The following CCDC186 variants were observed in gnomAD, a reference collection of about 807,000 sequenced individuals.
The protein encoded by CCDC186 is coiled-coil domain-containing protein 186.
Under a neutral mutation model 113.7 loss-of-function variants are expected in CCDC186, and 49 were observed. That is an observed-to-expected ratio of 0.43 (90% CI 0.34 to 0.55). CCDC186 has a LOEUF of 0.55. CCDC186 is among the 20% of genes least tolerant of loss of function. The probability of loss-of-function intolerance (pLI) is 0.02; values close to 1 mark genes in which losing one functional copy is unlikely to be tolerated. For synonymous variants in CCDC186, 355 were observed against 345.8 expected (o/e 1.03, Z -0.30); for missense variants, 890 against 1,011.1 (o/e 0.88, Z 1.62).
At chr10:114,159,271 T>C (rs1408131384) in intron 2 of CCDC186, among the ~76,000 whole-genome samples, 1 of 152,072 alleles carries the variant, frequency 6.6e-6, no homozygotes, top group African/African-American at 2.4e-5. Flanking sequence ...GTCCTGCCTA[T>C]AGTTCACAAG....
chr10:114,160,508 T>C (rs936103266), intron 2 of CCDC186, among the ~76,000 whole-genome samples: 2 of 152,176 alleles, frequency 1.3e-5, no homozygotes, highest in African/African-American at 4.8e-5. Flanking sequence ...GAAATTTGTT[T>C]AGACAGTAGA....
At chr10:114,135,788 T>G (rs890929925) in intron 9 of CCDC186, 103 bp downstream of exon 9, 8 of 915,874 alleles carry the variant, frequency 8.7e-6, no homozygotes, top group Non-Finnish European at 1.2e-5. Flanking sequence ...TTATGGAACA[T>G]TTCTATATTA....
chr10:114,138,084 A>G (rs2031334439), intron 6 of CCDC186, among the ~76,000 whole-genome samples: 2 of 64,070 alleles, frequency 3.1e-5, no homozygotes, highest in Non-Finnish European at 6.2e-5. Flanking sequence ...TAAAAAAAAT[A>G]CACAAATTAG....
Position 114,123,054 on chromosome 10 carries a change from C to G in CCDC186, c.*2089G>C, listed in dbSNP as rs565787888. 6.6e-6 allele frequency: 1 copy of G among 152,152 alleles called. No homozygotes were observed. Among genetic ancestry groups the G allele is most frequent in the Non-Finnish European group, 1.5e-5 (1 of 67,936 alleles). 9.4% of individuals were successfully genotyped at this position (152,152 alleles called of 1,614,324 possible). ...TTTGGTCTCCATTATACATTTTGTG[C>G]CTTGGGGAAAAAAATCCAAATATTG... On this transcript the variant is annotated 3_prime_UTR_variant, in exon 16 of 16. Transcript: ENST00000369287.
In CCDC186 at chr10:114,122,473, G is replaced by A. The variant is rs1041634330; in HGVS notation, c.*2670C>T. On this transcript the variant is annotated 3_prime_UTR_variant, in exon 16 of 16. Transcript: ENST00000369287. Reference sequence around the variant, plus strand: ...CTTCAAAATTAAAACCTATTGAAGTGTATACATATACATACACAGAAAAAA... The same window carrying A: ...CTTCAAAATTAAAACCTATTGAAGTATATACATATACATACACAGAAAAAA... The A allele has an allele frequency of 2.0e-5, 3 of 152,114 alleles. No homozygotes were observed. Among genetic ancestry groups the A allele is most frequent in the African/African-American group, 7.2e-5 (3 of 41,422 alleles). 9.4% of individuals were successfully genotyped at this position (152,114 alleles called of 1,614,324 possible). A position where few individuals can be genotyped will look rare whatever the true frequency, so the allele number is the denominator to read the frequency against.
chr10:114,159,886 C>T (rs2032121176), intron 2 of CCDC186, among the ~76,000 whole-genome samples: 1 of 152,070 alleles, frequency 6.6e-6, no homozygotes, highest in Non-Finnish European at 1.5e-5. Flanking sequence ...AACTTGAGCA[C>T]AGGAGGTTGA....
At chr10:114,155,778 C>CA (rs1427931894) in intron 3 of CCDC186, among the ~76,000 whole-genome samples, 2 of 151,886 alleles carry the variant, frequency 1.3e-5, no homozygotes, top group Non-Finnish European at 2.9e-5. Context: ...ATTATCAATC[C>CA]ACATGAAAAA....
chr10:114,162,783 C>G lies in CCDC186; in HGVS notation c.486G>C (p.Leu162Phe). 6.2e-7 allele frequency: 1 copy of G among 1,613,938 alleles called. No homozygotes were observed. Among genetic ancestry groups the G allele is most frequent in the Non-Finnish European group, 8.5e-7 (1 of 1,179,918 alleles). The change falls in exon 2 of 16, where the codon TTG (leucine) becomes TTC (phenylalanine). Residue 162 changes from leucine to phenylalanine, a missense_variant. Physicochemically the swap from Leu to Phe is conservative, Grantham distance 22. Transcript: ENST00000369287. ...AGAGCTCAGATTCTATTTCTTCCAA[C>G]AAATCCTCTGATGCTGAAACGCTCT... Reference protein sequence around the residue: ...KIKSVSASEDLLEEIESELLS... With the variant: ...KIKSVSASEDFLEEIESELLS...
intron 11 of CCDC186, 89 bp from the exon 12 acceptor site, chr10:114,131,425 CT>C (rs1029504164): frequency 2.7e-6 from 3 of 1,101,348 alleles, no homozygotes; most frequent in Non-Finnish European, 3.8e-6. Flanking sequence ...ATCTAAGGTT[CT>C]TGACAGTGGA....
At chr10:114,146,170 G>A (rs1467909860) in intron 4 of CCDC186, among the ~76,000 whole-genome samples, 1 of 152,166 alleles carries the variant, frequency 6.6e-6, no homozygotes, top group African/African-American at 2.4e-5. Context: ...GCTTGGGAAC[G>A]TAGGCAGAGT....
chr10:114,157,506 T>C, intron 3 of CCDC186, 48 bp downstream of exon 3: 1 of 1,525,974 alleles, frequency 6.6e-7, no homozygotes, highest in Non-Finnish European at 8.8e-7. Flanking sequence ...GGAATGTATT[T>C]ATTTTATTAA....
At chr10:114,134,303 T>C (rs2031187618) in intron 10 of CCDC186, among the ~76,000 whole-genome samples, 1 of 152,210 alleles carries the variant, frequency 6.6e-6, no homozygotes, top group African/African-American at 2.4e-5. Context: ...GTGGAGAACC[T>C]CTGACCAAAG....
At position 114,132,193 on chromosome 10, in the gene CCDC186, C is replaced by A; in HGVS notation, c.1656-9G>T. The A allele has an allele frequency of 6.6e-7, 1 of 1,520,654 alleles. No homozygotes were observed. The highest frequency in any genetic ancestry group is 8.9e-7 in the Non-Finnish European group (1 of 1,122,360). The allele number at this position is 1,520,654 out of a possible 1,614,324, so 94.2% of individuals were successfully genotyped here. ...CAATTTCTTGCTTACCTCTAAAACA[C>A]AAAATTTATATTTAAGAAAAAATAA... is the stretch of plus-strand genomic sequence containing the variant. On this transcript the variant is annotated splice_polypyrimidine_tract_variant and intron_variant, in intron 10 of 15. Transcript: ENST00000369287.
chr10:114,144,963 A>C lies in CCDC186; in HGVS notation c.1102-347T>G, dbSNP rs537796949. ...ACAATGACAATATTCCTGAACTAAA[A>C]GCTAATGAATTAAAAAAAAATTTAT... On this transcript the variant is annotated intron_variant, in intron 5 of 15. Transcript: ENST00000369287. Among the ~76,000 whole-genome samples the C allele has an allele frequency of 4.6e-5, 7 of 152,228 alleles. No homozygotes were observed. In the South Asian group the frequency reaches 1.5e-3, roughly 32 times the overall value.
Position 114,121,412 on chromosome 10 carries a change from G to C in CCDC186, c.*3731C>G, listed in dbSNP as rs565758602. 3.9e-5 allele frequency: 6 copies of C among 152,074 alleles called. No individual in the cohort carries two copies. Among genetic ancestry groups the C allele is most frequent in the Middle Eastern group, 3.4e-3 (1 of 294 alleles). The allele number at this position is 152,074 out of a possible 1,614,324, so 9.4% of individuals were successfully genotyped here. A position where few individuals can be genotyped will look rare whatever the true frequency, so the allele number is the denominator to read the frequency against. On this transcript the variant is annotated 3_prime_UTR_variant, in exon 16 of 16. Coordinates refer to ENST00000369287, the MANE Select transcript of CCDC186 (RefSeq NM_018017.4). ...TTTTTTCTTTTACTGATAAATCTTG[G>C]TTTAAATTTGCATGTAACAATTTTT...
At chr10:114,142,325 AT>A (rs1196108940) in intron 6 of CCDC186, among the ~76,000 whole-genome samples, 5 of 152,198 alleles carry the variant, frequency 3.3e-5, no homozygotes, top group African/African-American at 1.2e-4. Flanking sequence ...GTCCAAGAAT[AT>A]TCTTCTAGCT....
intron 13 of CCDC186, 87 bp from the exon 14 acceptor site, chr10:114,127,758 A>C: frequency 8.5e-7 from 1 of 1,182,448 alleles, no homozygotes; most frequent in Non-Finnish European, 1.2e-6. Flanking sequence ...GCATCATTTC[A>C]AATATTCACT....
At chr10:114,141,363 T>C (rs922133570) in intron 6 of CCDC186, among the ~76,000 whole-genome samples, 3 of 152,216 alleles carry the variant, frequency 2.0e-5, no homozygotes, top group Admixed American at 6.5e-5. Context: ...TTTTGGGACA[T>C]AGTAAATTTA....
At chr10:114,168,417 A>C (rs1290771215) in intron 1 of CCDC186, 1 of 152,210 alleles carries the variant, frequency 6.6e-6, no homozygotes, top group African/African-American at 2.4e-5. Flanking sequence ...CTGTTTTTCT[A>C]ATTAGCAGTA....
Sources: allele counts gnomAD v4.1 joint callset (sites outside exome capture counted in the v4.1 genomes callset), GRCh38; gene constraint gnomAD v4.1.1; transcripts MANE v1.5; gene names NCBI Gene and HGNC (gene_info 2026-07-23, HGNC 2026-07-21).